DNAJC27: variants seen among roughly 807,000 people sequenced by gnomAD.
DNAJC27 encodes DnaJ heat shock protein family (Hsp40) member C27, also known as dnaJ homolog subfamily C member 27.
A neutral mutation model predicts 31.4 loss-of-function variants in DNAJC27; 25 were observed. The ratio of observed to expected loss-of-function variants is 0.80; its 90% CI spans 0.58 to 1.11. The LOEUF (loss-of-function observed/expected upper bound fraction) is 1.11. Ranked by LOEUF, DNAJC27 falls within the 50% of genes most tolerant of loss-of-function variation. The pLI is 0.00. For synonymous variants in DNAJC27, 106 were observed against 112.7 expected (o/e 0.94, Z 0.37); for missense variants, 356 against 347.3 (o/e 1.02, Z -0.20).
chr2:24,948,792 C>G (rs1665703986), intron 6 of DNAJC27, among the ~76,000 whole-genome samples: 1 of 152,222 alleles, frequency 6.6e-6, no homozygotes, highest in Non-Finnish European at 1.5e-5. Context: ...CCAGCCACTC[C>G]CCAGTCAGAT....
chr2:24,970,954 G>C (rs934071038), intron 1 of DNAJC27, among the ~76,000 whole-genome samples: 1 of 152,194 alleles, frequency 6.6e-6, no homozygotes, highest in Non-Finnish European at 1.5e-5. Flanking sequence ...AGCTCTTTCG[G>C]AGTTGATTTT....
At position 24,945,638 on chromosome 2, in the gene DNAJC27, C is replaced by T. The variant is rs1250345078; in HGVS notation, c.*1978G>A. On this transcript the variant is annotated 3_prime_UTR_variant, in exon 7 of 7. Transcript: ENST00000264711. The stretch of plus-strand genomic sequence containing the variant: ...CCTTCCTTAAGCAAAATTTAGGTCC[C>T]GAAGAACTCTGGGTTGGAGTTCTGT... 1 of 152,154 alleles carries T rather than the reference C, an allele frequency of 6.6e-6. No homozygotes were observed. Among genetic ancestry groups the T allele is most frequent in the Admixed American group, 6.5e-5 (1 of 15,274 alleles). 9.4% of individuals were successfully genotyped at this position (152,154 alleles called of 1,614,324 possible). A position where few individuals can be genotyped will look rare whatever the true frequency, so the allele number is the denominator to read the frequency against.
chr2:24,965,300 G>C (rs1236068865), intron 2 of DNAJC27, among the ~76,000 whole-genome samples: 1 of 151,784 alleles, frequency 6.6e-6, no homozygotes, highest in East Asian at 1.9e-4. Flanking sequence ...CTGTTGCCCA[G>C]GCTGGAGTGC....
intron 3 of DNAJC27, among the ~76,000 whole-genome samples, chr2:24,962,621 C>A (rs951124344): frequency 6.6e-6 from 1 of 152,152 alleles, no homozygotes; most frequent in Admixed American, 6.5e-5. Context: ...TAAAGAAATA[C>A]ATTGAACTGA....
At chr2:24,962,895 A>G (rs915065411) in intron 3 of DNAJC27, among the ~76,000 whole-genome samples, 5 of 152,338 alleles carry the variant, frequency 3.3e-5, no homozygotes, top group Admixed American at 6.5e-5. Flanking sequence ...AAAAAGCCCA[A>G]GGAAGGAAAA....
At chr2:24,964,974 G>A (rs1287574551) in intron 2 of DNAJC27, among the ~76,000 whole-genome samples, 4 of 152,062 alleles carry the variant, frequency 2.6e-5, no homozygotes, top group East Asian at 1.9e-4. Context: ...TTGGGAGGCC[G>A]AGGTGGACGG....
intron 6 of DNAJC27, among the ~76,000 whole-genome samples, chr2:24,950,847 CAAAAATAAAAATA>C (rs1660874417): frequency 1.5e-5 from 2 of 133,108 alleles, no homozygotes; most frequent in African/African-American, 3.0e-5. Flanking sequence ...GACTCTGTCT[CAAAAATAAAAATA>C]AAAAAAAAAA....
rs181360488 is a variant in DNAJC27 at position 24,951,455 on chromosome 2, G to A, written c.628C>T (p.Arg210Cys). 243 of 1,613,882 alleles carry A rather than the reference G, an allele frequency of 1.5e-4. No homozygotes were observed. The highest frequency in any genetic ancestry group is 2.2e-4 in the Admixed American group (13 of 59,992). ...CTGTCTTTACTATTTCGAATTCTGC[G>A]AATGGCATCTGCTTGTTCTTTGGTG... ...SFTKEQADAIRRIRNSKDSWD... is the reference protein window; with the variant it reads ...SFTKEQADAICRIRNSKDSWD... Residue 210 changes from arginine to cysteine, a missense_variant, in exon 6 of 7, where the codon CGC (arginine) becomes TGC (cysteine). Transcript: ENST00000264711.
chr2:24,965,321 T>A (rs1666153310), intron 2 of DNAJC27, among the ~76,000 whole-genome samples: 1 of 151,300 alleles, frequency 6.6e-6, no homozygotes. Context: ...AGTGGCATAA[T>A]CTTGGCTCAC....
chr2:24,951,487 G>C lies in DNAJC27; in HGVS notation c.596C>G (p.Ala199Gly). The change falls in exon 6 of 7, where the codon GCT (alanine) becomes GGT (glycine). Residue 199 changes from alanine to glycine, a missense_variant. By Grantham distance (60) the Ala-to-Gly change is moderately conservative (BLOSUM62 0). Transcript: ENST00000264711. Reference sequence around the variant, plus strand: ...ATCTGCTTGTTCTTTGGTGAAACTAGCACTGCTATTGGTGGTAGGGCGTTT... The same window carrying C: ...ATCTGCTTGTTCTTTGGTGAAACTACCACTGCTATTGGTGGTAGGGCGTTT... ...GGKRPTTNSS[A>G]SFTKEQADAI... 6.2e-7 allele frequency: 1 copy of C among 1,613,750 alleles called. No homozygotes were observed. The highest frequency in any genetic ancestry group is 1.1e-5 in the South Asian group (1 of 90,994).
At chr2:24,967,385 T>A (rs1666215347) in intron 1 of DNAJC27, 92 bp from the exon 2 acceptor site, 2 of 1,015,358 alleles carry the variant, frequency 2.0e-6, no homozygotes, top group Non-Finnish European at 1.5e-6. Flanking sequence ...CCTCCATTCA[T>A]CACTATGAAA....
chr2:24,957,292 T>G, intron 4 of DNAJC27, 127 bp from the exon 5 acceptor site: 1 of 1,055,892 alleles, frequency 9.5e-7, no homozygotes, highest in Non-Finnish European at 1.3e-6. Flanking sequence ...TGCACTAGTG[T>G]GTAAAATTAC....
intron 2 of DNAJC27, among the ~76,000 whole-genome samples, chr2:24,964,947 C>T (rs1666142913): frequency 6.6e-6 from 1 of 152,132 alleles, no homozygotes; most frequent in East Asian, 1.9e-4. Flanking sequence ...GTGGCTCACA[C>T]CTGTAATCCG....
rs181152378 is a variant in DNAJC27, at chr2:24,956,219, T to A, written c.528+824A>T. ...GAACAACTCTTTATAGTGTAACTACTTTATTTGAAATGCTAAAAATTCCCA... is the reference window on the plus strand; with the variant it reads ...GAACAACTCTTTATAGTGTAACTACATTATTTGAAATGCTAAAAATTCCCA... On this transcript the variant is annotated intron_variant, in intron 5 of 6. Transcript: ENST00000264711. Among the ~76,000 whole-genome samples the A allele has an allele frequency of 3.7e-3, 569 of 152,348 alleles. 6 individuals carry two copies. Among genetic ancestry groups the A allele is most frequent in the African/African-American group, 0.013 (534 of 41,582 alleles).
At chr2:24,959,677 T>C (rs772404675) in intron 3 of DNAJC27, among the ~76,000 whole-genome samples, 8 of 152,232 alleles carry the variant, frequency 5.3e-5, no homozygotes, top group Middle Eastern at 3.2e-3. Flanking sequence ...TAACTCCATC[T>C]GGAAACAGAT....
intron 2 of DNAJC27, among the ~76,000 whole-genome samples, chr2:24,964,235 A>G (rs1666121412): frequency 6.6e-6 from 1 of 152,070 alleles, no homozygotes; most frequent in Admixed American, 6.6e-5. Flanking sequence ...CCTGGCTAAC[A>G]TAGTGAAACC....
intron 5 of DNAJC27, 31 bp from the exon 6 acceptor site, chr2:24,951,585 A>G: frequency 6.4e-7 from 1 of 1,573,620 alleles, no homozygotes; most frequent in Non-Finnish European, 8.6e-7. Flanking sequence ...CCAGGGTAGA[A>G]ATGATTTTGT....
intron 1 of DNAJC27, among the ~76,000 whole-genome samples, chr2:24,971,183 A>C (rs1666326921): frequency 6.6e-6 from 1 of 152,158 alleles, no homozygotes; most frequent in Non-Finnish European, 1.5e-5. Context: ...GTACTAAAGG[A>C]GAGTTTATAG....
intron 3 of DNAJC27, among the ~76,000 whole-genome samples, chr2:24,960,373 C>T (rs999407333): frequency 4.6e-5 from 7 of 152,202 alleles, no homozygotes; most frequent in African/African-American, 7.2e-5. Flanking sequence ...CCTTCCTCTT[C>T]CCTGAGACAA....
Sources: gnomAD v4.1 joint callset for allele counts (sites outside exome capture counted in the v4.1 genomes callset) on GRCh38, gnomAD v4.1.1 for gene constraint, MANE v1.5 for transcripts, NCBI Gene and HGNC (gene_info 2026-07-23, HGNC 2026-07-21) for gene names.